DNAH3: variants seen among roughly 807,000 people sequenced by gnomAD.
DNAH3 encodes the protein axonemal beta dynein heavy chain 3.
Under a neutral mutation model 432.5 loss-of-function variants are expected in DNAH3, and 332 were observed. The ratio of observed to expected loss-of-function variants is 0.77; its 90% CI spans 0.70 to 0.84. DNAH3 has a LOEUF of 0.84. Ranked by LOEUF, DNAH3 falls within the 40% of genes least tolerant of loss-of-function variation. DNAH3 has a pLI of 0.00. For missense variants in DNAH3, 4,861 were observed against 5,114.0 expected, an observed-to-expected ratio of 0.95 and a Z score of 1.51; for synonymous variants, 1,956 against 1,900.2, an observed-to-expected ratio of 1.03 and a Z score of -0.76.
intron 1 of DNAH3, among the ~76,000 whole-genome samples, chr16:21,151,716 A>C (rs987335166): frequency 6.6e-6 from 1 of 152,172 alleles, no homozygotes; most frequent in East Asian, 1.9e-4. Context: ...GCTAACATCA[A>C]TATTACGATA....
exon 37 of DNAH3, chr16:21,031,182 T>C (rs747715196): frequency 1.2e-6 from 2 of 1,614,120 alleles, no homozygotes; most frequent in Non-Finnish European, 1.7e-6. Flanking sequence ...ACACCATCCA[T>C]CCACTCGTGG....
chr16:21,106,495 A>G (rs1315123918), exon 15 of DNAH3: 2 of 1,591,034 alleles, frequency 1.3e-6, no homozygotes, highest in Non-Finnish European at 1.7e-6. Context: ...CTTACACGGC[A>G]AGTCTGCATA....
intron 21 of DNAH3, among the ~76,000 whole-genome samples, chr16:21,071,675 T>C (rs12919837): frequency 0.43 from 65,106 of 151,416 alleles, 14,306 homozygotes; most frequent in East Asian, 0.68. Context: ...ATCGCTTGAG[T>C]CCCAGAATTC....
At chr16:21,036,306 A>C (rs1199797462) in intron 35 of DNAH3, among the ~76,000 whole-genome samples, 1 of 152,218 alleles carries the variant, frequency 6.6e-6, no homozygotes, top group East Asian at 1.9e-4. Flanking sequence ...AGCCTGGGCA[A>C]CAGAGCAAGA....
In DNAH3 at chr16:21,121,870, G is replaced by A. The variant is rs2092350077; in HGVS notation, c.1584+75C>T. ...ACTGAATATCCCAGCGACCTGACTT[G>A]TACAACCTCTTTCAATACATTTTAT... On this transcript the variant is annotated intron_variant, in intron 10 of 61. Transcript: ENST00000261383. 2.9e-6 allele frequency: 4 copies of A among 1,369,170 alleles called. No individual in the cohort carries two copies. The East Asian group carries it at 9.4e-5, about 32-fold the overall frequency. 84.8% of individuals were successfully genotyped at this position (1,369,170 alleles called of 1,614,324 possible).
In DNAH3 at chr16:21,062,607, A is replaced by AG. The variant is rs760832964; in HGVS notation, c.3594dup (p.Lys1200GlufsTer5). 6 of 1,614,072 alleles carry AG rather than the reference A, an allele frequency of 3.7e-6. No homozygotes were observed. The highest frequency in any genetic ancestry group is 5.1e-6 in the Non-Finnish European group (6 of 1,180,020). ...GCAATTCCTTCAAAGCACTTCTTCA[A>AG]GTGCGGCTGCACTCGGAGAGGGTCC... On this transcript the variant is annotated frameshift_variant, in exon 25 of 62. Transcript: ENST00000261383. LOFTEE classifies it high-confidence loss of function.
chr16:21,083,034 T>TTTGA (rs1386794933), intron 19 of DNAH3, among the ~76,000 whole-genome samples: 1 of 151,456 alleles, frequency 6.6e-6, no homozygotes, highest in Non-Finnish European at 1.5e-5. Flanking sequence ...TTTTTTTTTT[T>TTTGA]GAGAGAGAGT....
chr16:21,130,449 C>T (rs1239508500), intron 7 of DNAH3, among the ~76,000 whole-genome samples: 2 of 151,978 alleles, frequency 1.3e-5, no homozygotes, highest in Non-Finnish European at 2.9e-5. Context: ...GGACTACAGG[C>T]ACACACCATC....
At chr16:20,977,525 G>A (rs564104469) in intron 50 of DNAH3, among the ~76,000 whole-genome samples, 2 of 152,344 alleles carry the variant, frequency 1.3e-5, no homozygotes, top group Non-Finnish European at 2.9e-5. Context: ...CATGTATTTG[G>A]AGACAGTTTT....
At chr16:21,149,443 G>A (rs2092826270) in intron 1 of DNAH3, among the ~76,000 whole-genome samples, 1 of 152,122 alleles carries the variant, frequency 6.6e-6, no homozygotes, top group South Asian at 2.1e-4. Flanking sequence ...AGAAATTCTG[G>A]AACTTAGATT....
rs369362062 is a variant in DNAH3, at chr16:21,042,145, C to T, written c.4520G>A (p.Arg1507Gln). ...TTCAAAGATGAATGTCTTTAGCTTC[C>T]GAATGATGGCTTGTTGGATGCTGAG... Residue 1507 changes from arginine (R) to glutamine (Q), a missense_variant, in exon 32 of 62, where the codon CGG (arginine) becomes CAG (glutamine). Transcript: ENST00000261383. 88 of 1,612,830 alleles carry T rather than the reference C, an allele frequency of 5.5e-5. No homozygotes were observed. The Middle Eastern group carries it at 9.9e-4, about 18-fold the overall frequency.
At chr16:21,035,438 T>C (rs1420239678) in intron 35 of DNAH3, among the ~76,000 whole-genome samples, 1 of 152,234 alleles carries the variant, frequency 6.6e-6, no homozygotes, top group African/African-American at 2.4e-5. Context: ...ACCCTTGTTT[T>C]TGAAAATATT....
chr16:21,116,494 G>A (rs557606697), intron 12 of DNAH3, among the ~76,000 whole-genome samples: 6 of 152,128 alleles, frequency 3.9e-5, no homozygotes, highest in East Asian at 1.9e-4. Flanking sequence ...TGCCACGACC[G>A]ACCGACCATA....
intron 41 of DNAH3, among the ~76,000 whole-genome samples, chr16:21,006,959 G>T (rs979994225): frequency 1.3e-5 from 2 of 152,114 alleles, no homozygotes; most frequent in African/African-American, 4.8e-5. Flanking sequence ...AATTAAATTG[G>T]ATTGTGTTTA....
chr16:21,063,785 C>A (rs546967149), intron 24 of DNAH3, among the ~76,000 whole-genome samples: 5 of 152,270 alleles, frequency 3.3e-5, no homozygotes, highest in African/African-American at 1.2e-4. Flanking sequence ...TCAAGTGATC[C>A]ATCCACCTCA....
intron 28 of DNAH3, among the ~76,000 whole-genome samples, chr16:21,052,948 CTCT>C (rs1040985545): frequency 1.3e-5 from 2 of 152,168 alleles, no homozygotes; most frequent in Non-Finnish European, 2.9e-5. Flanking sequence ...ACATTTCTAG[CTCT>C]TCTTTTTTCT....
rs541381239 is a variant in DNAH3 at position 21,055,095 on chromosome 16, A to G, written c.3925-561T>C. Among the ~76,000 whole-genome samples the G allele has an allele frequency of 1.3e-4, 19 of 151,766 alleles. No homozygotes were observed. In the East Asian group the frequency reaches 3.7e-3, roughly 30 times the overall value. On this transcript the variant is annotated intron_variant, in intron 27 of 61. Transcript: ENST00000261383. Reference sequence around the variant, plus strand: ...GTAATCCTAGATTGCATCCTGGACCAGAAAAAAAAAAAAAGACAGTAGGGC... The same window carrying G: ...GTAATCCTAGATTGCATCCTGGACCGGAAAAAAAAAAAAAGACAGTAGGGC...
chr16:21,106,294 G>A (rs543187123), intron 15 of DNAH3, among the ~76,000 whole-genome samples, 196 bp downstream of exon 15: 4 of 151,392 alleles, frequency 2.6e-5, no homozygotes, highest in Middle Eastern at 3.4e-3. Flanking sequence ...TATAAAATTC[G>A]TGCCTCTAAC....
At chr16:21,031,601 CAA>C (rs749158288) in intron 36 of DNAH3, among the ~76,000 whole-genome samples, 26 of 126,324 alleles carry the variant, frequency 2.1e-4, no homozygotes, top group Non-Finnish European at 1.7e-4. Context: ...AGCCGTCTCT[CAA>C]AAAAAAAAAA....
Sources: gnomAD v4.1 joint callset for allele counts (sites outside exome capture counted in the v4.1 genomes callset) on GRCh38, gnomAD v4.1.1 for gene constraint, MANE v1.5 for transcripts, NCBI Gene and HGNC (gene_info 2026-07-23, HGNC 2026-07-21) for gene names.